Variants in DIP2C observed in about 807,000 individuals in gnomAD.
DIP2C encodes disco-interacting protein 2 homolog C.
A neutral mutation model predicts 192.4 loss-of-function variants in DIP2C; 33 were observed. That is an observed-to-expected ratio of 0.17 (90% CI 0.13 to 0.23). The LOEUF (loss-of-function observed/expected upper bound fraction) is 0.23. Ranked by LOEUF, DIP2C falls within the 10% of genes least tolerant of loss-of-function variation. The pLI is 1.00. For missense variants in DIP2C, 1,537 were observed against 2,110.1 expected (o/e 0.73, Z 5.32); for synonymous variants, 979 against 864.1 (o/e 1.13, Z -2.33).
chr10:597,697 A>G (rs1241296372), intron 1 of DIP2C, among the ~76,000 whole-genome samples: 1 of 152,214 alleles, frequency 6.6e-6, no homozygotes, highest in Non-Finnish European at 1.5e-5. Flanking sequence ...CCTACTAACA[A>G]TTACGTAAGT....
intron 32 of DIP2C, among the ~76,000 whole-genome samples, chr10:305,994 T>TATATATATATATATACATA (rs201950305): frequency 8.7e-5 from 13 of 148,766 alleles, no homozygotes; most frequent in Middle Eastern, 3.5e-3. Flanking sequence ...TATATATATA[T>TATATATATATATATACATA]TATATTTTTT....
Position 688,858 on chromosome 10 carries a change from C to T in DIP2C, c.85+636G>A, listed in dbSNP as rs1184489746. The stretch of plus-strand genomic sequence containing the variant: ...CCGGGGGGAGGTTGACGATTCCGCC[C>T]AGCCCTCCCCGCGCAGCGCCCGCGA... On this transcript the variant is annotated intron_variant, in intron 1 of 36. Transcript: ENST00000280886. Among the ~76,000 whole-genome samples the T allele has an allele frequency of 2.0e-5, 3 of 152,368 alleles. No individual in the cohort carries two copies. In the East Asian group the frequency reaches 5.8e-4, roughly 29 times the overall value.
At chr10:617,076 G>T (rs375266476) in intron 1 of DIP2C, among the ~76,000 whole-genome samples, 1 of 152,174 alleles carries the variant, frequency 6.6e-6, no homozygotes, top group African/African-American at 2.4e-5. Context: ...AGCACACAAC[G>T]GGGTTCACAG....
At chr10:598,428 C>A (rs1397908252) in intron 1 of DIP2C, among the ~76,000 whole-genome samples, 1 of 152,230 alleles carries the variant, frequency 6.6e-6, no homozygotes, top group Non-Finnish European at 1.5e-5. Context: ...ATATGGCCAG[C>A]CCACAAAACC....
At chr10:508,582 A>G (rs929039049) in intron 1 of DIP2C, among the ~76,000 whole-genome samples, 3 of 152,110 alleles carry the variant, frequency 2.0e-5, no homozygotes, top group Non-Finnish European at 1.5e-5. Context: ...AAGACCACTC[A>G]ATGGTCTGGT....
chr10:655,205 G>A (rs1236212310), intron 1 of DIP2C, among the ~76,000 whole-genome samples: 1 of 152,134 alleles, frequency 6.6e-6, no homozygotes, highest in East Asian at 1.9e-4. Context: ...ACTGGGAAGG[G>A]GGCAACCAGC....
chr10:648,884 T>G (rs12357704), intron 1 of DIP2C, among the ~76,000 whole-genome samples: 1 of 142,828 alleles, frequency 7.0e-6, no homozygotes, highest in African/African-American at 2.6e-5. Context: ...CATTTGAGGG[T>G]GGGAGAGAAC....
At position 327,172 on chromosome 10, in the gene DIP2C, C is replaced by T. The variant is rs761993515; in HGVS notation, c.3758G>A (p.Arg1253Gln). Residue 1253 changes from arginine to glutamine, a missense_variant, in exon 31 of 37, where the codon CGA (arginine) becomes CAA (glutamine). Transcript: ENST00000280886. Reference protein sequence around the residue: ...LGSQTESLKARGLDLSRVRTC... With the variant: ...LGSQTESLKAQGLDLSRVRTC... ...CCTCACTCGGGACAAGTCCAGCCCT[C>T]GCGCCTGGAGATGATGACAGAGAAA... is the stretch of plus-strand genomic sequence containing the variant. The T allele has an allele frequency of 2.5e-6, 4 of 1,613,138 alleles. No individual in the cohort carries two copies. Among genetic ancestry groups the T allele is most frequent in the Non-Finnish European group, 1.7e-6 (2 of 1,179,842 alleles).
intron 4 of DIP2C, among the ~76,000 whole-genome samples, chr10:436,276 C>T (rs1166473658): frequency 2.0e-5 from 3 of 152,176 alleles, no homozygotes; most frequent in Admixed American, 6.5e-5. Flanking sequence ...TTGTGGGTAA[C>T]GTGTTGAGCA....
At chr10:386,204 T>C (rs901946172) in intron 14 of DIP2C, among the ~76,000 whole-genome samples, 5 of 152,204 alleles carry the variant, frequency 3.3e-5, no homozygotes, top group African/African-American at 1.2e-4. Flanking sequence ...GACCTGATCA[T>C]TGAATCACAT....
At chr10:543,672 T>TA (rs1428761834) in intron 1 of DIP2C, among the ~76,000 whole-genome samples, 2 of 152,228 alleles carry the variant, frequency 1.3e-5, no homozygotes, top group African/African-American at 4.8e-5. Flanking sequence ...ATGAGTTACA[T>TA]AGTAACATGT....
At chr10:400,599 G>C (rs533622402) in intron 9 of DIP2C, among the ~76,000 whole-genome samples, 26 of 151,732 alleles carry the variant, frequency 1.7e-4, no homozygotes, top group Non-Finnish European at 3.2e-4. Flanking sequence ...GGACAAGTTT[G>C]GTACGTGTTC....
At chr10:437,283 A>G (rs1373873128) in intron 4 of DIP2C, among the ~76,000 whole-genome samples, 1 of 144,104 alleles carries the variant, frequency 6.9e-6, no homozygotes, top group Non-Finnish European at 1.5e-5. Flanking sequence ...TGGACATGGT[A>G]GGGTGATATG....
intron 1 of DIP2C, among the ~76,000 whole-genome samples, chr10:542,203 C>T (rs575921856): frequency 6.6e-6 from 1 of 152,346 alleles, no homozygotes; most frequent in African/African-American, 2.4e-5. Context: ...GCTCCTTCTG[C>T]TCCCTGCCTG....
At chr10:534,666 TTATTA>T (rs933437728) in intron 1 of DIP2C, among the ~76,000 whole-genome samples, 3 of 126,926 alleles carry the variant, frequency 2.4e-5, no homozygotes, top group Non-Finnish European at 3.4e-5. Flanking sequence ...TGCTGGATGA[TTATTA>T]TTTTTTTTTT....
At chr10:307,595 G>T (rs1368743889) in intron 32 of DIP2C, among the ~76,000 whole-genome samples, 1 of 152,150 alleles carries the variant, frequency 6.6e-6, no homozygotes, top group South Asian at 2.1e-4. Flanking sequence ...CTGCAGTGGG[G>T]GGGTAAGGGA....
chr10:472,781 A>G (rs1418696696), intron 2 of DIP2C, among the ~76,000 whole-genome samples: 1 of 152,126 alleles, frequency 6.6e-6, no homozygotes, highest in Non-Finnish European at 1.5e-5. Context: ...TCACAGCACA[A>G]AGGTCCACTG....
intron 32 of DIP2C, among the ~76,000 whole-genome samples, chr10:303,251 G>GC (rs1168567756): frequency 6.6e-6 from 1 of 151,902 alleles, no homozygotes; most frequent in Non-Finnish European, 1.5e-5. Context: ...AGACATCACT[G>GC]CATGAGGCTG....
chr10:566,572 C>T (rs1028034815), intron 1 of DIP2C, among the ~76,000 whole-genome samples: 4 of 152,252 alleles, frequency 2.6e-5, no homozygotes, highest in Non-Finnish European at 5.9e-5. Flanking sequence ...AGACAGGTGT[C>T]AGCACCTTTT....
Sources: gnomAD v4.1 joint callset for allele counts (sites outside exome capture counted in the v4.1 genomes callset) on GRCh38, gnomAD v4.1.1 for gene constraint, MANE v1.5 for transcripts, NCBI Gene and HGNC (gene_info 2026-07-23, HGNC 2026-07-21) for gene names.